Variants in RNF220 observed in about 807,000 individuals in gnomAD.
RNF220 encodes E3 ubiquitin-protein ligase RNF220.
RNF220 carries 7 observed loss-of-function variants against 67.1 expected under a neutral mutation model. The ratio of observed to expected loss-of-function variants is 0.10; its 90% CI spans 0.06 to 0.20. RNF220 has a LOEUF of 0.20. Ranked by LOEUF, RNF220 falls within the 10% of genes least tolerant of loss-of-function variation. The pLI is 1.00. For missense variants in RNF220, 565 were observed against 740.3 expected, an observed-to-expected ratio of 0.76 and a Z score of 2.75; for synonymous variants, 270 against 283.2, an observed-to-expected ratio of 0.95 and a Z score of 0.47.
intron 5 of RNF220, 137 bp from the exon 6 acceptor site, chr1:44,632,206 G>A: frequency 6.2e-7 from 1 of 1,605,896 alleles, no homozygotes; most frequent in Non-Finnish European, 8.5e-7. Context: ...CGGGAGGGAG[G>A]AAGTAGGTTT....
intron 2 of RNF220, among the ~76,000 whole-genome samples, chr1:44,501,162 G>C (rs1248882099): frequency 6.6e-6 from 1 of 151,206 alleles, no homozygotes; most frequent in African/African-American, 2.4e-5. Context: ...TTGTGCTTGG[G>C]GGAGGGGGTG....
At chr1:44,486,818 C>A (rs896947825) in intron 2 of RNF220, among the ~76,000 whole-genome samples, 87 of 152,144 alleles carry the variant, frequency 5.7e-4, no homozygotes, top group African/African-American at 2.0e-3. Flanking sequence ...GAGCCAATGT[C>A]TCCAGGAGTC....
chr1:44,557,168 T>C (rs1053317270), intron 2 of RNF220, among the ~76,000 whole-genome samples: 7 of 145,562 alleles, frequency 4.8e-5, no homozygotes, highest in Non-Finnish European at 1.5e-5. Flanking sequence ...TATATACATA[T>C]GTATATATTA....
chr1:44,520,128 T>TGAGAGA (rs1553236436), intron 2 of RNF220, among the ~76,000 whole-genome samples: 8 of 113,456 alleles, frequency 7.1e-5, no homozygotes, highest in African/African-American at 2.2e-4. Context: ...TGTGTGTGTG[T>TGAGAGA]GAGAGAGAGA....
chr1:44,514,284 G>A (rs573820206), intron 2 of RNF220, among the ~76,000 whole-genome samples: 6 of 152,190 alleles, frequency 3.9e-5, no homozygotes, highest in Non-Finnish European at 8.8e-5. Flanking sequence ...AATTATGGAG[G>A]GACAGCTGCG....
rs1214460020 is a variant in RNF220 at position 44,417,930 on chromosome 1, C to T, written c.625+5208C>T. On this transcript the variant is annotated intron_variant, in intron 2 of 14. Transcript: ENST00000361799. The surrounding 1 kb of genome is among the most constrained non-coding windows in gnomAD (Gnocchi z 4.0). ...GCAGCACTTGGAGGCCGCAGGAGGACTCCGCGCGCCGCCTCGAGGGCCGGG... is the reference window on the plus strand; with the variant it reads ...GCAGCACTTGGAGGCCGCAGGAGGATTCCGCGCGCCGCCTCGAGGGCCGGG... 6.6e-6 allele frequency among the ~76,000 whole-genome samples: 1 copy of T among 152,070 alleles called. No homozygotes were observed. Among genetic ancestry groups the T allele is most frequent in the East Asian group, 1.9e-4 (1 of 5,152 alleles).
At chr1:44,549,304 T>C (rs1301608430) in intron 2 of RNF220, among the ~76,000 whole-genome samples, 1 of 152,192 alleles carries the variant, frequency 6.6e-6, no homozygotes, top group Non-Finnish European at 1.5e-5. Flanking sequence ...CACAATGCCT[T>C]GCATATAGGA....
At chr1:44,423,057 A>C (rs961390712) in intron 2 of RNF220, among the ~76,000 whole-genome samples, 2 of 152,224 alleles carry the variant, frequency 1.3e-5, no homozygotes, top group African/African-American at 4.8e-5. Flanking sequence ...ACTGGACTTC[A>C]AAGTTTAGTT....
chr1:44,413,393 A>G (rs1410403050), intron 2 of RNF220, among the ~76,000 whole-genome samples: 2 of 152,198 alleles, frequency 1.3e-5, no homozygotes, highest in Non-Finnish European at 2.9e-5. Context: ...GACCTGTGTG[A>G]CTGCTCCAAA....
chr1:44,625,853 G>A (rs930526388), intron 4 of RNF220, among the ~76,000 whole-genome samples: 3 of 152,012 alleles, frequency 2.0e-5, no homozygotes, highest in Non-Finnish European at 2.9e-5. Context: ...GCTGCACGTG[G>A]GAAACTCACA....
intron 2 of RNF220, among the ~76,000 whole-genome samples, chr1:44,443,185 C>T (rs1651739424): frequency 6.6e-6 from 1 of 152,140 alleles, no homozygotes; most frequent in South Asian, 2.1e-4. Flanking sequence ...CTCAGCAGGA[C>T]CAAAACCAGA....
intron 1 of RNF220, among the ~76,000 whole-genome samples, chr1:44,411,403 T>C (rs771643078): frequency 2.0e-5 from 3 of 152,244 alleles, no homozygotes; most frequent in Non-Finnish European, 2.9e-5. Context: ...TGTGTGTGTG[T>C]GTATATGCCA....
intron 2 of RNF220, among the ~76,000 whole-genome samples, chr1:44,448,226 G>A (rs373863138): frequency 6.6e-6 from 1 of 152,230 alleles, no homozygotes; most frequent in Non-Finnish European, 1.5e-5. Flanking sequence ...TCGAACCTGC[G>A]AGGCAGAGGT....
intron 2 of RNF220, among the ~76,000 whole-genome samples, chr1:44,534,177 G>A (rs1219825487): frequency 3.3e-5 from 5 of 151,856 alleles, no homozygotes; most frequent in East Asian, 1.9e-4. Context: ...GTTGGGTTTC[G>A]CTATGTTGGC....
chr1:44,632,498 T>C (rs1644188224), intron 6 of RNF220, 113 bp downstream of exon 6: 1 of 997,170 alleles, frequency 1.0e-6, no homozygotes, highest in Admixed American at 2.1e-5. Flanking sequence ...GCCCGTTGGC[T>C]TCTTCGCAGT....
Position 44,478,247 on chromosome 1 carries a change from G to A in RNF220, c.625+65525G>A, listed in dbSNP as rs371549658. Among the ~76,000 whole-genome samples, 13 of 151,904 alleles carry A rather than the reference G, an allele frequency of 8.6e-5. No homozygotes were observed. The South Asian group carries it at 1.0e-3, about 12-fold the overall frequency. ...TCCCTGCCTCCGCCTCCCAAATGCA[G>A]CCTCCCCCAATTTTTACTCAAATCA... On this transcript the variant is annotated intron_variant, in intron 2 of 14. Transcript: ENST00000361799.
intron 2 of RNF220, among the ~76,000 whole-genome samples, chr1:44,543,367 A>G (rs958954545): frequency 6.6e-6 from 1 of 152,058 alleles, no homozygotes; most frequent in Non-Finnish European, 1.5e-5. Context: ...TGGTGGCTTT[A>G]TTATGGAGAA....
At chr1:44,515,672 A>G (rs1659398981) in intron 2 of RNF220, among the ~76,000 whole-genome samples, 1 of 152,110 alleles carries the variant, frequency 6.6e-6, no homozygotes, top group Admixed American at 6.6e-5. Flanking sequence ...TATAGGGGAA[A>G]ATGGCTAACA....
At chr1:44,647,448 G>A (rs2148514008) in intron 12 of RNF220, among the ~76,000 whole-genome samples, 1 of 152,268 alleles carries the variant, frequency 6.6e-6, no homozygotes, top group African/African-American at 2.4e-5. Flanking sequence ...GGGAAGGGAT[G>A]GTAAAGGCTT....
Sources: allele counts gnomAD v4.1 joint callset (sites outside exome capture counted in the v4.1 genomes callset), GRCh38; gene constraint gnomAD v4.1.1; non-coding constraint Gnocchi (gnomAD v3.1); transcripts MANE v1.5; gene names NCBI Gene and HGNC (gene_info 2026-07-23, HGNC 2026-07-21).